Variants in COL21A1 observed in about 807,000 individuals in gnomAD.
COL21A1 encodes the protein collagen type XXI alpha 1 chain.
COL21A1 carries 149 observed loss-of-function variants against 137.9 expected under a neutral mutation model. The ratio of observed to expected loss-of-function variants is 1.08; its 90% CI spans 0.95 to 1.24. The LOEUF (loss-of-function observed/expected upper bound fraction) is 1.24. Among genes scored for constraint, COL21A1 ranks in the 50% most tolerant of loss-of-function variants. The pLI, the probability that COL21A1 is intolerant of heterozygous loss-of-function variation, is 0.00. For missense variants in COL21A1, 1,167 were observed against 1,158.4 expected (o/e 1.01, Z -0.11); for synonymous variants, 456 against 391.5 (o/e 1.16, Z -1.95).
At chr6:56,246,106 G>GA (rs56156681) in intron 1 of COL21A1, among the ~76,000 whole-genome samples, 52,622 of 148,698 alleles carry the variant, frequency 0.35, 10,920 homozygotes, top group East Asian at 0.75. Context: ...TCTATAAAAA[G>GA]AAAAAAAAAA....
chr6:56,245,596 AT>A lies in COL21A1; in HGVS notation c.-39+1790del, dbSNP rs1019086611. ...TTACTATGCTAGGCACTTTAGAAGC[AT>A]TATTTAACTCTGACAACAATGTGAA... is the stretch of plus-strand genomic sequence containing the variant. On this transcript the variant is annotated intron_variant, in intron 1 of 29. Transcript: ENST00000244728. 2.6e-5 allele frequency among the ~76,000 whole-genome samples: 4 copies of A among 152,344 alleles called. No individual in the cohort carries two copies. The South Asian group carries it at 6.2e-4, about 24-fold the overall frequency.
intron 10 of COL21A1, among the ~76,000 whole-genome samples, chr6:56,152,070 A>C (rs1368346547): frequency 1.3e-5 from 2 of 152,198 alleles, no homozygotes. Context: ...AAACAACACC[A>C]ATTCACTACC....
chr6:56,290,733 C>G (rs1294194914), intron 1 of COL21A1, among the ~76,000 whole-genome samples: 1 of 152,032 alleles, frequency 6.6e-6, no homozygotes, highest in African/African-American at 2.4e-5. Context: ...ATCTATTGAC[C>G]TCGTGATCCA....
intron 1 of COL21A1, among the ~76,000 whole-genome samples, chr6:56,260,444 T>C (rs371821316): frequency 6.6e-6 from 1 of 151,374 alleles, no homozygotes; most frequent in Non-Finnish European, 1.5e-5. Flanking sequence ...CGTGGTGGCA[T>C]GTACCTGTAA....
intron 1 of COL21A1, among the ~76,000 whole-genome samples, chr6:56,320,763 T>C (rs1764845320): frequency 6.6e-6 from 1 of 152,180 alleles, no homozygotes. Flanking sequence ...AAAACCCTAA[T>C]ACCTTTCTAA....
chr6:56,060,970 C>A lies in COL21A1; in HGVS notation c.2273G>T (p.Gly758Val). The change falls in exon 26 of 30, where the codon GGC becomes GTC. Residue 758 changes from glycine to valine, a missense_variant. Physicochemically the swap from Gly to Val is moderately radical, Grantham distance 109. Transcript: ENST00000244728. Reference protein sequence around the residue: ...IGSKGESGVDGLMGPAGPKGQ... With the variant: ...IGSKGESGVDVLMGPAGPKGQ... ...CTTAGGACCTGCGGGCCCCATCAAGCCATCCACCCCAGATTCTCCTTTTGA... is the reference window on the plus strand; with the variant it reads ...CTTAGGACCTGCGGGCCCCATCAAGACATCCACCCCAGATTCTCCTTTTGA... 1 of 1,607,918 alleles carries A rather than the reference C, an allele frequency of 6.2e-7. No individual in the cohort carries two copies. Among genetic ancestry groups the A allele is most frequent in the South Asian group, 1.1e-5 (1 of 90,406 alleles).
intron 16 of COL21A1, among the ~76,000 whole-genome samples, chr6:56,109,832 A>G (rs771394168): frequency 2.2e-4 from 34 of 152,018 alleles, no homozygotes; most frequent in Non-Finnish European, 4.0e-4. Flanking sequence ...AAGAAGAAAG[A>G]TAAAATCTAA....
intron 1 of COL21A1, among the ~76,000 whole-genome samples, chr6:56,364,114 C>T (rs186654721): frequency 4.6e-5 from 7 of 151,912 alleles, no homozygotes; most frequent in South Asian, 2.1e-4. Context: ...ACATCTTTGA[C>T]GGAGTGTGTG....
intron 1 of COL21A1, among the ~76,000 whole-genome samples, chr6:56,257,136 GA>G (rs1027176849): frequency 6.6e-6 from 1 of 152,084 alleles, no homozygotes; most frequent in Non-Finnish European, 1.5e-5. Flanking sequence ...GTTGAAAAAA[GA>G]GATAAAAATC....
chr6:56,276,802 T>C (rs986342845), intron 1 of COL21A1: 86 of 874,106 alleles, frequency 9.8e-5, no homozygotes, highest in Non-Finnish European at 1.4e-4. Flanking sequence ...AGTTGTGTTT[T>C]TTTTGTTTTT....
rs538792786 is a variant in COL21A1, at chr6:56,136,757, T to A, written c.1542+5028A>T. 6.6e-5 allele frequency among the ~76,000 whole-genome samples: 10 copies of A among 152,332 alleles called. 1 individual carries two copies. In the South Asian group the frequency reaches 2.1e-3, roughly 32 times the overall value. Reference sequence around the variant, plus strand: ...AGCACAGATATATAATTTTTATATATGAGTCTACATGTCCAAAAGTCTTTT... The same window carrying A: ...AGCACAGATATATAATTTTTATATAAGAGTCTACATGTCCAAAAGTCTTTT... On this transcript the variant is annotated intron_variant, in intron 12 of 29. Coordinates refer to ENST00000244728, the MANE Select transcript of COL21A1 (RefSeq NM_030820.4).
At chr6:56,363,371 C>A (rs1377076922) in intron 1 of COL21A1, among the ~76,000 whole-genome samples, 1 of 152,218 alleles carries the variant, frequency 6.6e-6, no homozygotes, top group African/African-American at 2.4e-5. Context: ...GTTTTCATAT[C>A]TTCATTTTTC....
intron 1 of COL21A1, among the ~76,000 whole-genome samples, chr6:56,330,605 T>C (rs1765197257): frequency 6.6e-6 from 1 of 152,060 alleles, no homozygotes; most frequent in Non-Finnish European, 1.5e-5. Flanking sequence ...ACCCATCACA[T>C]GGATAATAAA....
At chr6:56,271,070 G>A (rs78459236) in intron 1 of COL21A1, among the ~76,000 whole-genome samples, 1,547 of 152,268 alleles carry the variant, frequency 0.01, 31 homozygotes, top group African/African-American at 0.035. Context: ...GGAAGAGGTT[G>A]GAACAGTTTG....
intron 1 of COL21A1, among the ~76,000 whole-genome samples, chr6:56,215,725 G>A (rs1176896489): frequency 1.3e-5 from 2 of 151,986 alleles, no homozygotes; most frequent in Admixed American, 1.3e-4. Flanking sequence ...CCAACTGTAA[G>A]AACTAAATAA....
chr6:56,381,631 A>G (rs193253734), intron 1 of COL21A1, among the ~76,000 whole-genome samples: 241 of 152,372 alleles, frequency 1.6e-3, no homozygotes, highest in African/African-American at 3.9e-3. Flanking sequence ...GTCACATTAA[A>G]TTTCACCGAA....
At chr6:56,345,741 G>A (rs1765583040) in intron 1 of COL21A1, among the ~76,000 whole-genome samples, 1 of 152,174 alleles carries the variant, frequency 6.6e-6, no homozygotes, top group Non-Finnish European at 1.5e-5. Flanking sequence ...ATCAATTCCA[G>A]GAGAGTTTTG....
chr6:56,176,634 A>AG (rs531431869), intron 3 of COL21A1, among the ~76,000 whole-genome samples: 6 of 139,516 alleles, frequency 4.3e-5, no homozygotes, highest in South Asian at 5.3e-4. Flanking sequence ...GAAAAGAGGG[A>AG]GGGGGGGAAG....
intron 18 of COL21A1, among the ~76,000 whole-genome samples, chr6:56,076,612 A>G (rs568192413): frequency 6.5e-4 from 98 of 151,612 alleles, no homozygotes; most frequent in Admixed American, 1.1e-3. Context: ...AAAAAAATCA[A>G]TTGATCATTC....
Sources: allele counts gnomAD v4.1 joint callset (sites outside exome capture counted in the v4.1 genomes callset), GRCh38; gene constraint gnomAD v4.1.1; transcripts MANE v1.5; gene names NCBI Gene and HGNC (gene_info 2026-07-23, HGNC 2026-07-21).